The following NTM variants were observed in gnomAD, a reference collection of about 807,000 sequenced individuals.
NTM encodes the protein neurotrimin.
Under a neutral mutation model 42.1 loss-of-function variants are expected in NTM, and 13 were observed. The ratio of observed to expected loss-of-function variants is 0.31; its 90% CI spans 0.20 to 0.49. The LOEUF is 0.49. Ranked by LOEUF, NTM falls within the 20% of genes least tolerant of loss-of-function variation. NTM has a pLI of 0.99. For synonymous variants in NTM, 187 were observed against 179.2 expected (o/e 1.04, Z -0.35); for missense variants, 373 against 452.8 (o/e 0.82, Z 1.60).
intron 2 of NTM, among the ~76,000 whole-genome samples, chr11:132,064,581 T>C (rs754722950): frequency 2.0e-5 from 3 of 152,126 alleles, no homozygotes; most frequent in Non-Finnish European, 4.4e-5. Context: ...GTGACTTCTT[T>C]AAGGGAAGGG....
Position 131,830,351 on chromosome 11 carries a change from A to G in NTM, c.83-81213A>G, listed in dbSNP as rs536753013. On this transcript the variant is annotated intron_variant, in intron 1 of 8. Transcript: ENST00000683400. ...CCTTGAGTTAATTTTTGTATATTGTAAAAGACAGAAGTCAAGTTTCATCCT... is the reference window on the plus strand; with the variant it reads ...CCTTGAGTTAATTTTTGTATATTGTGAAAGACAGAAGTCAAGTTTCATCCT... Among the ~76,000 whole-genome samples the G allele has an allele frequency of 3.2e-4, 49 of 152,284 alleles. 1 individual carries two copies. The South Asian group carries it at 9.1e-3, about 28-fold the overall frequency.
chr11:132,123,455 T>C (rs1338809370), intron 2 of NTM, among the ~76,000 whole-genome samples: 8 of 152,106 alleles, frequency 5.3e-5, no homozygotes, highest in Admixed American at 3.3e-4. Flanking sequence ...AATAACAGTG[T>C]CAGTTATGGC....
At chr11:132,252,618 A>G (rs1243544214) in intron 4 of NTM, among the ~76,000 whole-genome samples, 1 of 152,192 alleles carries the variant, frequency 6.6e-6, no homozygotes, top group Non-Finnish European at 1.5e-5. Context: ...AAAGAGAGAG[A>G]AAAACAACTT....
At chr11:131,521,954 A>G (rs1591922918) in intron 1 of NTM, among the ~76,000 whole-genome samples, 1 of 152,138 alleles carries the variant, frequency 6.6e-6, no homozygotes, top group African/African-American at 2.4e-5. Context: ...CTCATTTCTA[A>G]TATAATAATA....
intron 1 of NTM, among the ~76,000 whole-genome samples, chr11:131,708,959 A>G (rs985296141): frequency 2.0e-5 from 3 of 152,194 alleles, no homozygotes; most frequent in Non-Finnish European, 4.4e-5. Flanking sequence ...GTGAATTGTA[A>G]CGGTCCTCAC....
At chr11:132,213,499 C>T (rs148128887) in intron 4 of NTM, among the ~76,000 whole-genome samples, 39 of 152,256 alleles carry the variant, frequency 2.6e-4, no homozygotes. Context: ...GGGCTATCCA[C>T]CAGCAGCCGG....
chr11:131,559,400 T>TG (rs1343791646), intron 1 of NTM, among the ~76,000 whole-genome samples: 1 of 152,254 alleles, frequency 6.6e-6, no homozygotes, highest in Non-Finnish European at 1.5e-5. Context: ...GTCTTTTTAC[T>TG]TTTAAGAATA....
chr11:132,308,062 C>G (rs1470750809), intron 5 of NTM, among the ~76,000 whole-genome samples: 1 of 152,218 alleles, frequency 6.6e-6, no homozygotes, highest in Non-Finnish European at 1.5e-5. Context: ...TAATGCCAAA[C>G]TTGACTTGCA....
At chr11:132,172,085 C>G (rs969386622) in intron 3 of NTM, among the ~76,000 whole-genome samples, 1 of 152,194 alleles carries the variant, frequency 6.6e-6, no homozygotes, top group Non-Finnish European at 1.5e-5. Context: ...AACAACAAGT[C>G]AGACTGCCTT....
intron 2 of NTM, among the ~76,000 whole-genome samples, chr11:132,124,763 G>A (rs1041845858): frequency 4.6e-5 from 7 of 152,200 alleles, no homozygotes; most frequent in Non-Finnish European, 1.0e-4. Flanking sequence ...GATTGCCTGA[G>A]TCCAGGAGAT....
chr11:131,519,560 G>A (rs2049336349), intron 1 of NTM, among the ~76,000 whole-genome samples: 1 of 146,972 alleles, frequency 6.8e-6, no homozygotes, highest in African/African-American at 2.5e-5. Flanking sequence ...GTCTTCATAG[G>A]AGGCTGCATC....
At chr11:131,798,296 G>A (rs569431849) in intron 1 of NTM, among the ~76,000 whole-genome samples, 11 of 152,322 alleles carry the variant, frequency 7.2e-5, no homozygotes, top group South Asian at 2.1e-4. Flanking sequence ...TATCATGGAC[G>A]TAGCCGAGAA....
At chr11:131,910,995 G>A (rs2054799409) in intron 1 of NTM, 2 of 997,060 alleles carry the variant, frequency 2.0e-6, no homozygotes, top group South Asian at 4.5e-5. Flanking sequence ...TGGCGAGCCC[G>A]GCTCCGAAAC....
intron 1 of NTM, among the ~76,000 whole-genome samples, chr11:131,889,276 G>T: frequency 6.6e-6 from 1 of 152,326 alleles, no homozygotes; most frequent in Non-Finnish European, 1.5e-5. Flanking sequence ...AGGCCAGGCA[G>T]ATTCCACTTC....
chr11:132,036,727 A>G (rs2076554897), intron 2 of NTM, among the ~76,000 whole-genome samples: 1 of 152,150 alleles, frequency 6.6e-6, no homozygotes, highest in South Asian at 2.1e-4. Context: ...ATATTCCCTC[A>G]TATTTGCTTG....
intron 7 of NTM, among the ~76,000 whole-genome samples, chr11:132,326,173 T>TAAAATAA (rs559769453): frequency 6.6e-6 from 1 of 151,576 alleles, no homozygotes; most frequent in African/African-American, 2.4e-5. Context: ...AAAATAATAA[T>TAAAATAA]AAAATAAAAA....
chr11:132,138,316 A>G (rs575119138), intron 2 of NTM, among the ~76,000 whole-genome samples: 5 of 152,220 alleles, frequency 3.3e-5, no homozygotes, highest in African/African-American at 1.2e-4. Context: ...GGGAACAGCA[A>G]AATTTTGCAG....
chr11:132,069,406 C>G (rs1327970994), intron 2 of NTM, among the ~76,000 whole-genome samples: 6 of 99,770 alleles, frequency 6.0e-5, no homozygotes, highest in African/African-American at 2.3e-4. Context: ...GTTAACACGT[C>G]AAACTGACTG....
At chr11:131,565,632 G>A (rs762492967) in intron 1 of NTM, among the ~76,000 whole-genome samples, 33 of 152,330 alleles carry the variant, frequency 2.2e-4, no homozygotes, top group Non-Finnish European at 4.9e-4. Flanking sequence ...GAGTGAGCAA[G>A]TAAGTGCCTT....
Sources: gnomAD v4.1 joint callset for allele counts (sites outside exome capture counted in the v4.1 genomes callset) on GRCh38, gnomAD v4.1.1 for gene constraint, MANE v1.5 for transcripts, NCBI Gene and HGNC (gene_info 2026-07-23, HGNC 2026-07-21) for gene names.